CSMD1: variants seen among roughly 807,000 people sequenced by gnomAD.
The protein encoded by CSMD1 is CUB and Sushi multiple domains 1.
CSMD1 carries 213 observed loss-of-function variants against 417.5 expected under a neutral mutation model. That is an observed-to-expected ratio of 0.51 (90% CI 0.46 to 0.57). The LOEUF is 0.57. CSMD1 is among the 20% of genes least tolerant of loss of function. The probability of loss-of-function intolerance (pLI) is 0.00; values close to 1 mark genes in which losing one functional copy is unlikely to be tolerated. For missense variants in CSMD1, 6,923 were observed against 4,529.7 expected (o/e 1.53, Z -15.17); for synonymous variants, 2,862 against 1,736.8 (o/e 1.65, Z -16.11).
chr8:3,164,499 T>C (rs1820092335), intron 37 of CSMD1, among the ~76,000 whole-genome samples: 1 of 152,250 alleles, frequency 6.6e-6, no homozygotes, highest in African/African-American at 2.4e-5. Context: ...TAAAATCTTT[T>C]GTTTTAACTT....
chr8:3,267,516 A>G (rs1801522964), intron 26 of CSMD1, among the ~76,000 whole-genome samples: 1 of 152,172 alleles, frequency 6.6e-6, no homozygotes. Context: ...TCCGGAGTCC[A>G]GAGGAGAGAA....
Position 3,206,465 on chromosome 8 carries a change from G to A in CSMD1, c.4868-845C>T, listed in dbSNP as rs571939423. On this transcript the variant is annotated intron_variant, in intron 30 of 69. Transcript: ENST00000635120. ...TGTGTGTGTGTATGTGTGTGTGGGG[G>A]GGTTATGTCTGTGCGTGTATGTGTG... Among the ~76,000 whole-genome samples, 7 of 73,162 alleles carry A rather than the reference G, an allele frequency of 9.6e-5. 1 individual carries two copies. The highest frequency in any genetic ancestry group is 1.9e-4 in the Non-Finnish European group (7 of 36,168). 48.0% of individuals were successfully genotyped at this position (73,162 alleles called of 152,430 possible).
chr8:4,382,496 C>G (rs571952600), intron 3 of CSMD1, among the ~76,000 whole-genome samples: 87 of 152,272 alleles, frequency 5.7e-4, no homozygotes, highest in African/African-American at 1.7e-3. Context: ...CACCTAAACT[C>G]TCTGTTCACC....
chr8:4,911,778 C>T (rs560955474), intron 1 of CSMD1, among the ~76,000 whole-genome samples: 2 of 152,168 alleles, frequency 1.3e-5, no homozygotes, highest in South Asian at 2.1e-4. Context: ...AACATAGAAG[C>T]CGCCAGATCA....
intron 3 of CSMD1, among the ~76,000 whole-genome samples, chr8:4,270,189 G>C (rs532627929): frequency 1.3e-5 from 2 of 152,302 alleles, no homozygotes; most frequent in East Asian, 3.9e-4. Context: ...GAAAGGAGTT[G>C]ACATAGCCGC....
intron 5 of CSMD1, among the ~76,000 whole-genome samples, chr8:3,921,665 T>C (rs1414809814): frequency 6.6e-6 from 1 of 152,156 alleles, no homozygotes; most frequent in Non-Finnish European, 1.5e-5. Flanking sequence ...TTCAGGCGTA[T>C]GTTGCTTAAT....
intron 1 of CSMD1, among the ~76,000 whole-genome samples, chr8:4,747,142 T>C (rs1811011605): frequency 6.6e-6 from 1 of 152,106 alleles, no homozygotes; most frequent in South Asian, 2.1e-4. Flanking sequence ...GTTGAAGAGA[T>C]TTGGCCAATC....
chr8:3,374,354 T>C (rs1419702042), intron 18 of CSMD1, among the ~76,000 whole-genome samples: 1 of 152,168 alleles, frequency 6.6e-6, no homozygotes, highest in Non-Finnish European at 1.5e-5. Context: ...AGAAACATAC[T>C]AATGTTTTCC....
chr8:2,973,969 A>G (rs911492905), intron 56 of CSMD1, among the ~76,000 whole-genome samples: 14 of 141,880 alleles, frequency 9.9e-5, no homozygotes, highest in Non-Finnish European at 1.5e-5. Flanking sequence ...ATGGTAGAGG[A>G]TGGTGGTAGA....
intron 1 of CSMD1, among the ~76,000 whole-genome samples, chr8:4,946,551 G>A (rs1216934660): frequency 6.6e-6 from 1 of 152,166 alleles, no homozygotes. Flanking sequence ...ATGTCCTTAT[G>A]AAGGATTCTG....
At chr8:4,030,400 G>T (rs761288545) in intron 4 of CSMD1, among the ~76,000 whole-genome samples, 1 of 152,184 alleles carries the variant, frequency 6.6e-6, no homozygotes, top group African/African-American at 2.4e-5. Flanking sequence ...ACATTCGCAG[G>T]CTCAACACCA....
At chr8:3,854,218 A>G (rs1021945643) in intron 5 of CSMD1, among the ~76,000 whole-genome samples, 1 of 150,164 alleles carries the variant, frequency 6.7e-6, no homozygotes, top group Non-Finnish European at 1.5e-5. Flanking sequence ...GAACACTTAA[A>G]ACATGTGAAA....
intron 26 of CSMD1, among the ~76,000 whole-genome samples, chr8:3,256,306 C>CATGA (rs1800647355): frequency 2.7e-5 from 1 of 36,848 alleles, no homozygotes; most frequent in Non-Finnish European, 6.0e-5. Flanking sequence ...GACTAAGTCT[C>CATGA]AAGAAAAAAA....
chr8:3,920,873 C>T (rs1809201875), intron 5 of CSMD1, among the ~76,000 whole-genome samples: 1 of 152,054 alleles, frequency 6.6e-6, no homozygotes. Context: ...ATTCATTTTG[C>T]TAGTGTTTTG....
intron 3 of CSMD1, among the ~76,000 whole-genome samples, chr8:4,308,085 C>A (rs13265430): frequency 0.12 from 18,830 of 152,044 alleles, 1,278 homozygotes; most frequent in African/African-American, 0.18. Flanking sequence ...GGTCTTTATT[C>A]GAACAGTGGC....
rs747148689 is a variant in CSMD1 at position 4,672,949 on chromosome 8, C to T, written c.86-35391G>A. Among the ~76,000 whole-genome samples, 63 of 151,948 alleles carry T rather than the reference C, an allele frequency of 4.1e-4. 1 individual carries two copies. The highest frequency in any genetic ancestry group is 2.2e-3 in the Admixed American group (34 of 15,262). ...ACATACACATGCATACATGGTGACA[C>T]GGCACACATACATAACACACACGTT... On this transcript the variant is annotated intron_variant, in intron 1 of 69. Transcript: ENST00000635120.
At chr8:3,928,396 T>C (rs1296587373) in intron 5 of CSMD1, among the ~76,000 whole-genome samples, 1 of 152,182 alleles carries the variant, frequency 6.6e-6, no homozygotes, top group Non-Finnish European at 1.5e-5. Context: ...TAGGTAGCAG[T>C]GAAATATCAG....
chr8:3,562,678 A>T (rs1292996203), intron 10 of CSMD1, among the ~76,000 whole-genome samples: 1 of 152,124 alleles, frequency 6.6e-6, no homozygotes, highest in African/African-American at 2.4e-5. Context: ...ATTTAAAGAC[A>T]CTATTATAGT....
chr8:3,582,781 A>C (rs1421697982), intron 9 of CSMD1, among the ~76,000 whole-genome samples: 2 of 152,246 alleles, frequency 1.3e-5, no homozygotes, highest in Non-Finnish European at 2.9e-5. Context: ...ATTTGGGTTA[A>C]ATAAAATGTT....
Sources: allele counts gnomAD v4.1 joint callset (sites outside exome capture counted in the v4.1 genomes callset), GRCh38; gene constraint gnomAD v4.1.1; transcripts MANE v1.5; gene names NCBI Gene and HGNC (gene_info 2026-07-23, HGNC 2026-07-21).